The following VPS13A variants were observed in gnomAD, a reference collection of about 807,000 sequenced individuals.
VPS13A encodes intermembrane lipid transfer protein VPS13A.
VPS13A carries 264 observed loss-of-function variants against 390.9 expected under a neutral mutation model. The ratio of observed to expected loss-of-function variants is 0.68; its 90% CI spans 0.61 to 0.75. VPS13A has a LOEUF of 0.75. VPS13A is among the 30% of genes least tolerant of loss of function. The pLI is 0.00. For missense variants in VPS13A, 3,409 were observed against 3,733.9 expected (o/e 0.91, Z 2.27); for synonymous variants, 1,231 against 1,227.1 (o/e 1.00, Z -0.07).
chr9:77,319,195 C>CAAAAAA (rs5898533), intron 41 of VPS13A, among the ~76,000 whole-genome samples: 1 of 123,484 alleles, frequency 8.1e-6, no homozygotes. Context: ...GACCCAGACT[C>CAAAAAA]AAAAAAAAAA....
chr9:77,365,959 A>C (rs1832404227), intron 60 of VPS13A, among the ~76,000 whole-genome samples: 1 of 152,126 alleles, frequency 6.6e-6, no homozygotes, highest in Admixed American at 6.5e-5. Context: ...CCTATAAGCT[A>C]ATTATACAAT....
chr9:77,379,660 C>A (rs1290486632), intron 67 of VPS13A, among the ~76,000 whole-genome samples: 1 of 152,208 alleles, frequency 6.6e-6, no homozygotes, highest in Admixed American at 6.5e-5. Context: ...AGGCATGAGC[C>A]ACCACGCCTG....
intron 1 of VPS13A, among the ~76,000 whole-genome samples, chr9:77,183,190 A>G (rs1001770569): frequency 6.6e-6 from 1 of 152,218 alleles, no homozygotes. Context: ...TTCTGTCATT[A>G]ATATTATGTA....
At chr9:77,401,114 T>C (rs1197739912) in intron 68 of VPS13A, among the ~76,000 whole-genome samples, 1 of 152,218 alleles carries the variant, frequency 6.6e-6, no homozygotes. Flanking sequence ...TCCTTTGATA[T>C]GTCTGCATAT....
Position 77,420,838 on chromosome 9 carries a change from C to T in VPS13A, c.*4832C>T, listed in dbSNP as rs1340330238. 1.1e-4 allele frequency: 16 copies of T among 152,220 alleles called. No homozygotes were observed. Among genetic ancestry groups the T allele is most frequent in the Non-Finnish European group, 4.4e-5 (3 of 67,996 alleles). 9.4% of individuals were successfully genotyped at this position (152,220 alleles called of 1,614,324 possible). A position where few individuals can be genotyped will look rare whatever the true frequency, so the allele number is the denominator to read the frequency against. On this transcript the variant is annotated 3_prime_UTR_variant, in exon 72 of 72. Coordinates refer to ENST00000360280, the MANE Select transcript of VPS13A (RefSeq NM_033305.3). ...CAACATTTCCTGTTATGCCGTCATA[C>T]CTCCGGTGTTCAGTTTGTTACTCAA... is the stretch of plus-strand genomic sequence containing the variant.
At chr9:77,374,983 T>A (rs1832988023) in intron 67 of VPS13A, among the ~76,000 whole-genome samples, 1 of 152,144 alleles carries the variant, frequency 6.6e-6, no homozygotes. Context: ...AATTGGGTGT[T>A]TCTGGTTTCG....
chr9:77,402,283 AC>A (rs1834426008), intron 68 of VPS13A, among the ~76,000 whole-genome samples: 1 of 152,158 alleles, frequency 6.6e-6, no homozygotes, highest in African/African-American at 2.4e-5. Flanking sequence ...AAAAATGAAA[AC>A]TATCAATTTT....
At chr9:77,362,284 A>T (rs1464061226) in intron 59 of VPS13A, among the ~76,000 whole-genome samples, 5 of 152,176 alleles carry the variant, frequency 3.3e-5, no homozygotes. Context: ...TCTAGCTCTT[A>T]TGATTAGGTC....
At position 77,375,980 on chromosome 9, in the gene VPS13A, A is replaced by T. The variant is rs375396624; in HGVS notation, c.9077+4831A>T. Among the ~76,000 whole-genome samples the T allele has an allele frequency of 8.5e-5, 13 of 152,318 alleles. No individual in the cohort carries two copies. In the East Asian group the frequency reaches 2.5e-3, roughly 29 times the overall value. ...AAAATGCCATGAAGAAAAATAAAGC[A>T]GATTAAAGGAGGTAAGGAGATGCAA... On this transcript the variant is annotated intron_variant, in intron 67 of 71. Transcript: ENST00000360280.
Position 77,339,717 on chromosome 9 carries a change from T to G in VPS13A, c.6580T>G (p.Leu2194Val). The G allele has an allele frequency of 6.2e-7, 1 of 1,614,024 alleles. No homozygotes were observed. The highest frequency in any genetic ancestry group is 1.1e-5 in the South Asian group (1 of 91,068). Reference protein sequence around the residue: ...TCVTEMEKTDLDIAVHMTYNT... With the variant: ...TCVTEMEKTDVDIAVHMTYNT... Reference sequence around the variant, plus strand: ...TGTTACAGAAATGGAAAAGACTGATTTAGATATTGCTGTCCATATGACTTA... The same window carrying G: ...TGTTACAGAAATGGAAAAGACTGATGTAGATATTGCTGTCCATATGACTTA... The change falls in exon 48 of 72, where the codon TTA becomes GTA. Residue 2194 changes from leucine (L) to valine (V), a missense_variant. Physicochemically the swap from Leu to Val is conservative, Grantham distance 32. Around this residue, in one of 5 missense-constraint regions of VPS13A, gnomAD observed 2,717 missense variants for 2,917.4 expected, o/e 0.93. Coordinates refer to ENST00000360280, the MANE Select transcript of VPS13A (RefSeq NM_033305.3).
intron 7 of VPS13A, among the ~76,000 whole-genome samples, chr9:77,212,735 T>C (rs1200948037): frequency 6.6e-6 from 1 of 152,210 alleles, no homozygotes; most frequent in Non-Finnish European, 1.5e-5. Context: ...GCTGTGGCAC[T>C]TACCTGTTGG....
intron 46 of VPS13A, among the ~76,000 whole-genome samples, chr9:77,335,876 A>T (rs1265966327): frequency 1.3e-5 from 2 of 152,204 alleles, no homozygotes; most frequent in Non-Finnish European, 2.9e-5. Flanking sequence ...GAACTATAAT[A>T]AATCATTGTA....
intron 39 of VPS13A, among the ~76,000 whole-genome samples, chr9:77,317,195 T>C (rs1348438903): frequency 6.6e-6 from 1 of 152,010 alleles, no homozygotes; most frequent in South Asian, 2.1e-4. Flanking sequence ...TGCAAGACAG[T>C]TGGCCCTCCA....
At chr9:77,380,860 C>T (rs942200436) in intron 67 of VPS13A, among the ~76,000 whole-genome samples, 3 of 152,132 alleles carry the variant, frequency 2.0e-5, no homozygotes, top group African/African-American at 7.2e-5. Flanking sequence ...TAGGGTTCGC[C>T]TTCTTATGAG....
intron 12 of VPS13A, among the ~76,000 whole-genome samples, chr9:77,220,884 T>C: frequency 6.6e-6 from 1 of 152,128 alleles, no homozygotes; most frequent in Non-Finnish European, 1.5e-5. Flanking sequence ...CAGTTGACTA[T>C]TTCAGTTATT....
intron 45 of VPS13A, among the ~76,000 whole-genome samples, chr9:77,328,845 G>A (rs1830143830): frequency 6.6e-6 from 1 of 152,134 alleles, no homozygotes; most frequent in Admixed American, 6.6e-5. Context: ...GTAAAGAACT[G>A]CCCAGGACTT....
At chr9:77,276,877 A>G (rs1169357414) in intron 26 of VPS13A, among the ~76,000 whole-genome samples, 1 of 152,172 alleles carries the variant, frequency 6.6e-6, no homozygotes, top group East Asian at 1.9e-4. Flanking sequence ...ATTAGATTGG[A>G]CACACCTCTA....
intron 23 of VPS13A, among the ~76,000 whole-genome samples, chr9:77,261,628 G>A (rs1174370488): frequency 4.0e-5 from 6 of 150,014 alleles, no homozygotes; most frequent in South Asian, 4.3e-4. Flanking sequence ...TCTTTTGCTC[G>A]GGCTGGAGTA....
At chr9:77,324,285 A>T (rs1246609002) in intron 45 of VPS13A, among the ~76,000 whole-genome samples, 2 of 152,094 alleles carry the variant, frequency 1.3e-5, no homozygotes, top group Non-Finnish European at 2.9e-5. Flanking sequence ...TATCTTGTTT[A>T]TATTGCCTAT....
Sources: allele counts gnomAD v4.1 joint callset (sites outside exome capture counted in the v4.1 genomes callset), GRCh38; gene constraint gnomAD v4.1.1; regional missense constraint gnomAD v4.1.1; transcripts MANE v1.5; gene names NCBI Gene and HGNC (gene_info 2026-07-23, HGNC 2026-07-21).